Variants in CFAP299 observed in about 807,000 individuals in gnomAD.
CFAP299 encodes the protein cilia- and flagella-associated protein 299.
CFAP299 carries 21 observed loss-of-function variants against 27.0 expected under a neutral mutation model. The observed-to-expected ratio is 0.78, with a 90% CI of 0.55 to 1.12. The LOEUF (loss-of-function observed/expected upper bound fraction) is 1.12, where lower values mean the gene tolerates loss of function less well. CFAP299 is among the 50% of genes most tolerant of loss of function. CFAP299 has a pLI of 0.00. For missense variants in CFAP299, 310 were observed against 276.6 expected (o/e 1.12, Z -0.86); for synonymous variants, 104 against 98.1 (o/e 1.06, Z -0.36).
chr4:80,616,409 A>T (rs116621213), intron 3 of CFAP299, among the ~76,000 whole-genome samples: 1,631 of 152,050 alleles, frequency 0.011, 25 homozygotes, highest in African/African-American at 0.037. Flanking sequence ...TTTTATACAT[A>T]TAAGTATATA....
rs1248013705 is a variant in CFAP299, at chr4:80,684,396, C to A, written c.333+101213C>A. 3.3e-5 allele frequency among the ~76,000 whole-genome samples: 5 copies of A among 151,980 alleles called. No homozygotes were observed. The East Asian group carries it at 9.7e-4, about 29-fold the overall frequency. ...CTCCTGCCTCAGCCTCCTGAGTAGCCGGGACTATAGGCGCCTGCTACCACG... is the reference window on the plus strand; with the variant it reads ...CTCCTGCCTCAGCCTCCTGAGTAGCAGGGACTATAGGCGCCTGCTACCACG... On this transcript the variant is annotated intron_variant, in intron 3 of 5. Coordinates refer to ENST00000358105, the MANE Select transcript of CFAP299 (RefSeq NM_152770.3).
At chr4:80,707,046 A>G (rs17004981) in intron 3 of CFAP299, among the ~76,000 whole-genome samples, 6,954 of 152,018 alleles carry the variant, frequency 0.046, 557 homozygotes, top group African/African-American at 0.16. Context: ...TCTTATGTCA[A>G]GACTTAAGCA....
chr4:80,442,887 C>T (rs1728429862), intron 2 of CFAP299, among the ~76,000 whole-genome samples: 1 of 152,078 alleles, frequency 6.6e-6, no homozygotes, highest in African/African-American at 2.4e-5. Flanking sequence ...CACAAACTAC[C>T]ATTGGAGAAT....
chr4:80,934,896 A>G (rs2110221924), intron 4 of CFAP299, among the ~76,000 whole-genome samples: 1 of 151,908 alleles, frequency 6.6e-6, no homozygotes, highest in East Asian at 1.9e-4. Context: ...TTTGATCATT[A>G]GTGTTTCCTT....
intron 3 of CFAP299, among the ~76,000 whole-genome samples, chr4:80,801,513 A>ATAT (rs1440430578): frequency 6.6e-6 from 1 of 152,096 alleles, no homozygotes; most frequent in Non-Finnish European, 1.5e-5. Context: ...CTATTTCTTA[A>ATAT]ATTCACATAT....
chr4:80,909,991 C>T (rs192409754), intron 4 of CFAP299, among the ~76,000 whole-genome samples: 29 of 151,950 alleles, frequency 1.9e-4, no homozygotes, highest in Admixed American at 8.5e-4. Context: ...TTTAAAAATC[C>T]GCACATTGAA....
At chr4:80,617,061 A>G (rs1198885360) in intron 3 of CFAP299, among the ~76,000 whole-genome samples, 2 of 152,144 alleles carry the variant, frequency 1.3e-5, no homozygotes, top group Admixed American at 6.5e-5. Flanking sequence ...ATAGGATTTT[A>G]AAGATATATG....
intron 5 of CFAP299, among the ~76,000 whole-genome samples, chr4:80,962,519 G>T (rs1738393159): frequency 6.6e-6 from 1 of 151,610 alleles, no homozygotes; most frequent in Admixed American, 6.6e-5. Context: ...TGCACATTGG[G>T]CACATGTACC....
chr4:80,496,811 T>C (rs1375941239), intron 2 of CFAP299, among the ~76,000 whole-genome samples: 1 of 152,112 alleles, frequency 6.6e-6, no homozygotes, highest in African/African-American at 2.4e-5. Context: ...TGCTGGCATC[T>C]GCTTGGCTTC....
chr4:80,879,305 A>C (rs1235631113), intron 4 of CFAP299, among the ~76,000 whole-genome samples: 1 of 152,140 alleles, frequency 6.6e-6, no homozygotes, highest in Non-Finnish European at 1.5e-5. Flanking sequence ...TAAAATCTAG[A>C]GATGCTTAAG....
intron 2 of CFAP299, among the ~76,000 whole-genome samples, chr4:80,472,636 A>G (rs1339381617): frequency 2.6e-5 from 4 of 152,290 alleles, no homozygotes; most frequent in East Asian, 3.9e-4. Flanking sequence ...TACACGTAGG[A>G]CAGTCGAGTG....
chr4:80,843,398 A>T (rs976941368), intron 3 of CFAP299, among the ~76,000 whole-genome samples: 2 of 152,076 alleles, frequency 1.3e-5, no homozygotes, highest in Non-Finnish European at 2.9e-5. Context: ...TGTCCCTACA[A>T]AGGACATGAA....
At chr4:80,514,584 G>T (rs919657954) in intron 2 of CFAP299, among the ~76,000 whole-genome samples, 2 of 151,958 alleles carry the variant, frequency 1.3e-5, no homozygotes, top group Non-Finnish European at 2.9e-5. Flanking sequence ...AAAGCCCACT[G>T]GTCCCTTGAT....
At chr4:80,592,869 T>C (rs529010033) in intron 3 of CFAP299, among the ~76,000 whole-genome samples, 1 of 152,358 alleles carries the variant, frequency 6.6e-6, no homozygotes, top group East Asian at 1.9e-4. Context: ...TTTAAGAGTT[T>C]GGTGTCTATA....
rs575013342 is a variant in CFAP299, at chr4:80,356,957, A to T, written c.112-5797A>T. 1.6e-4 allele frequency among the ~76,000 whole-genome samples: 24 copies of T among 152,170 alleles called. No homozygotes were observed. In the South Asian group the frequency reaches 4.6e-3, roughly 29 times the overall value. On this transcript the variant is annotated intron_variant, in intron 1 of 5. Transcript: ENST00000358105. ...TTCCAGCTTTTGCCCATTCAGTATG[A>T]TATTGGCTGTGGGTTTGTCATAAAT...
chr4:80,730,359 AAC>A, intron 3 of CFAP299, among the ~76,000 whole-genome samples: 1 of 150,702 alleles, frequency 6.6e-6, no homozygotes, highest in East Asian at 2.0e-4. Context: ...ATAAGCACAG[AAC>A]ACTCTTACAC....
At chr4:80,947,403 CAG>C (rs1210331578) in intron 5 of CFAP299, among the ~76,000 whole-genome samples, 3 of 152,130 alleles carry the variant, frequency 2.0e-5, no homozygotes, top group Non-Finnish European at 4.4e-5. Context: ...CATTAGTAAA[CAG>C]AGTCCTAGGC....
At chr4:80,870,160 C>A in intron 4 of CFAP299, 25 bp downstream of exon 4, 4 of 1,575,892 alleles carry the variant, frequency 2.5e-6, no homozygotes, top group Admixed American at 1.9e-5. Flanking sequence ...ATTTTTGCAC[C>A]CTTAGAGGCA....
At chr4:80,405,886 T>A (rs919362470) in intron 2 of CFAP299, among the ~76,000 whole-genome samples, 1 of 152,190 alleles carries the variant, frequency 6.6e-6, no homozygotes, top group Non-Finnish European at 1.5e-5. Context: ...GAAAAATTAT[T>A]AGCTGTTTCT....
Sources: allele counts gnomAD v4.1 joint callset (sites outside exome capture counted in the v4.1 genomes callset), GRCh38; gene constraint gnomAD v4.1.1; transcripts MANE v1.5; gene names NCBI Gene and HGNC (gene_info 2026-07-23, HGNC 2026-07-21).